The following VSTM2B variants were observed in gnomAD, a reference collection of about 807,000 sequenced individuals.
The protein encoded by VSTM2B is V-set and transmembrane domain-containing protein 2B.
Under a neutral mutation model 24.0 loss-of-function variants are expected in VSTM2B, and 24 were observed. That is an observed-to-expected ratio of 1.00 (90% CI 0.72 to 1.40). The LOEUF is 1.40. Among genes scored for constraint, VSTM2B ranks in the 40% most tolerant of loss-of-function variants. VSTM2B has a pLI of 0.00. For missense variants in VSTM2B, 399 were observed against 416.4 expected, an observed-to-expected ratio of 0.96 and a Z score of 0.36; for synonymous variants, 226 against 194.4, an observed-to-expected ratio of 1.16 and a Z score of -1.35.
chr19:29,541,053 A>T (rs552043766), intron 4 of VSTM2B, among the ~76,000 whole-genome samples: 5 of 152,334 alleles, frequency 3.3e-5, no homozygotes, highest in African/African-American at 1.2e-4. Context: ...GCCTCACAGA[A>T]GCTTACTGTG....
At position 29,530,214 on chromosome 19, in the gene VSTM2B, C is replaced by A; in HGVS notation, c.693C>A (p.Val231=). Residue 231 remains valine, a synonymous_variant, in exon 4 of 5, where the codon GTC becomes GTA. Transcript: ENST00000335523. Reference sequence around the variant, plus strand: ...CGGCCCACACGCCCACCACCACAGTCGCGGCAGCTGCTGCTGCCTCGTCAG... The same window carrying A: ...CGGCCCACACGCCCACCACCACAGTAGCGGCAGCTGCTGCTGCCTCGTCAG... The part of the protein sequence containing the change: ...ASAAHTPTTT[V]AAAAAASSAS... 1 of 1,503,388 alleles carries A rather than the reference C, an allele frequency of 6.7e-7. No homozygotes were observed. Among genetic ancestry groups the A allele is most frequent in the Non-Finnish European group, 8.8e-7 (1 of 1,133,132 alleles). 93.1% of individuals were successfully genotyped at this position (1,503,388 alleles called of 1,614,324 possible).
At chr19:29,534,484 G>T (rs1431775688) in intron 4 of VSTM2B, among the ~76,000 whole-genome samples, 1 of 152,182 alleles carries the variant, frequency 6.6e-6, no homozygotes, top group Non-Finnish European at 1.5e-5. Context: ...GAAGGCCGAG[G>T]CGGGTGGATC....
chr19:29,530,436 C>T (rs1055457192), intron 4 of VSTM2B, 146 bp downstream of exon 4: 9 of 654,762 alleles, frequency 1.4e-5, no homozygotes, highest in Middle Eastern at 4.4e-4. Flanking sequence ...GTCGGGAGCG[C>T]CCCCCCCAGG....
intron 4 of VSTM2B, among the ~76,000 whole-genome samples, chr19:29,550,960 G>T (rs546101936): frequency 2.0e-5 from 3 of 152,340 alleles, no homozygotes; most frequent in African/African-American, 7.2e-5. Flanking sequence ...GAGGGCTGCA[G>T]CTCTCTTCTA....
intron 4 of VSTM2B, among the ~76,000 whole-genome samples, chr19:29,563,540 G>A (rs1970582401): frequency 6.6e-6 from 1 of 152,104 alleles, no homozygotes; most frequent in Admixed American, 6.5e-5. Context: ...ACCACACCCA[G>A]CTCATATCAT....
chr19:29,527,018 C>G (rs538572308), intron 1 of VSTM2B, 193 bp from the exon 2 acceptor site: 4 of 551,036 alleles, frequency 7.3e-6, no homozygotes, highest in South Asian at 5.2e-5. Context: ...AGTAGGCAGC[C>G]GATGGCCGGT....
At chr19:29,529,471 G>T (rs889431274) in intron 3 of VSTM2B, among the ~76,000 whole-genome samples, 27 of 152,220 alleles carry the variant, frequency 1.8e-4, no homozygotes, top group African/African-American at 6.3e-4. Context: ...TCCTGAAGGT[G>T]CAGGAGGGAG....
intron 4 of VSTM2B, among the ~76,000 whole-genome samples, chr19:29,539,595 A>G (rs1468932830): frequency 6.6e-6 from 1 of 151,962 alleles, no homozygotes; most frequent in African/African-American, 2.4e-5. Flanking sequence ...CCTTTTGGGG[A>G]CTCACGCCAC....
intron 2 of VSTM2B, among the ~76,000 whole-genome samples, chr19:29,528,119 G>T (rs1969633261): frequency 6.6e-6 from 1 of 152,136 alleles, no homozygotes; most frequent in Non-Finnish European, 1.5e-5. Context: ...CACGCGGCAG[G>T]GCCTAAGGAT....
chr19:29,562,579 C>T (rs533189233), intron 4 of VSTM2B, among the ~76,000 whole-genome samples: 6 of 152,248 alleles, frequency 3.9e-5, no homozygotes, highest in Admixed American at 1.3e-4. Flanking sequence ...ATGAGCAGGG[C>T]GGGGCTGAAA....
At chr19:29,557,870 A>C (rs1970445483) in intron 4 of VSTM2B, among the ~76,000 whole-genome samples, 1 of 152,188 alleles carries the variant, frequency 6.6e-6, no homozygotes, top group Non-Finnish European at 1.5e-5. Context: ...TAAACTAAAG[A>C]GCTTCTGTGC....
At chr19:29,527,024 C>T (rs1401896078) in intron 1 of VSTM2B, 187 bp from the exon 2 acceptor site, 6 of 558,478 alleles carry the variant, frequency 1.1e-5, no homozygotes, top group South Asian at 5.1e-5. Context: ...CAGCCGATGG[C>T]CGGTCCCTGC....
chr19:29,526,706 G>T lies in VSTM2B; in HGVS notation c.82+41G>T. 2.7e-6 allele frequency: 4 copies of T among 1,487,916 alleles called. No homozygotes were observed. Among genetic ancestry groups the T allele is most frequent in the Non-Finnish European group, 3.6e-6 (4 of 1,111,326 alleles). The allele number at this position is 1,487,916 out of a possible 1,614,324, so 92.2% of individuals were successfully genotyped here. A position where few individuals can be genotyped will look rare whatever the true frequency, so the allele number is the denominator to read the frequency against. On this transcript the variant is annotated intron_variant, in intron 1 of 4. Coordinates refer to ENST00000335523, the MANE Select transcript of VSTM2B (RefSeq NM_001146339.2). This position sits in a 1 kb window ranked among gnomAD's most constrained non-coding sequence, Gnocchi z 4.1. ...TTGCTGCCGCTGTGGACTCGGGGGG[G>T]TCTTTGCTGGGGCCGCCACCGAGAA...
chr19:29,528,103 T>G (rs566506642), intron 2 of VSTM2B, among the ~76,000 whole-genome samples: 1 of 152,266 alleles, frequency 6.6e-6, no homozygotes, highest in East Asian at 1.9e-4. Context: ...GGGGAGGATT[T>G]TGAGCCACGC....
chr19:29,551,781 G>A (rs1970290272), intron 4 of VSTM2B, among the ~76,000 whole-genome samples: 1 of 152,044 alleles, frequency 6.6e-6, no homozygotes, highest in Admixed American at 6.5e-5. Context: ...GTACTCCTTA[G>A]GACAGGAGGG....
chr19:29,560,642 C>T (rs1970502910), intron 4 of VSTM2B, among the ~76,000 whole-genome samples: 1 of 152,238 alleles, frequency 6.6e-6, no homozygotes, highest in African/African-American at 2.4e-5. Context: ...TGCAGCCCCA[C>T]TGCCACTGTA....
At chr19:29,530,374 C>T (rs2145464257) in intron 4 of VSTM2B, 84 bp downstream of exon 4, 1 of 1,253,302 alleles carries the variant, frequency 8.0e-7, no homozygotes, top group East Asian at 3.2e-5. Context: ...GGCTCCGGAC[C>T]CAGGACCCGC....
chr19:29,527,480 C>T lies in VSTM2B; in HGVS notation c.267+85C>T, dbSNP rs1034643498. 56 of 1,262,264 alleles carry T rather than the reference C, an allele frequency of 4.4e-5. No homozygotes were observed. The African/African-American group carries it at 8.0e-4, about 18-fold the overall frequency. The allele number at this position is 1,262,264 out of a possible 1,614,324, so 78.2% of individuals were successfully genotyped here. ...CTAACCCAGGGAGGGAAGCAGCGGG[C>T]TTCACTCGCGCAGGGCGCCGCCCTG... On this transcript the variant is annotated intron_variant, in intron 2 of 4. Transcript: ENST00000335523.
At position 29,527,359 on chromosome 19, in the gene VSTM2B, C is replaced by A; in HGVS notation, c.231C>A (p.His77Gln). 1.3e-6 allele frequency: 2 copies of A among 1,544,602 alleles called. No individual in the cohort carries two copies. The highest frequency in any genetic ancestry group is 1.7e-6 in the Non-Finnish European group (2 of 1,145,140). The change falls in exon 2 of 5, where the codon CAC becomes CAA. Residue 77 changes from histidine to glutamine, a missense_variant. Coordinates refer to ENST00000335523, the MANE Select transcript of VSTM2B (RefSeq NM_001146339.2). ...YLKEPPRELL[H>Q]ELALSVPGAR... ...AGGAGCCACCCCGGGAGCTGCTGCA[C>A]GAGCTGGCGCTCAGCGTGCCGGGCG...
Sources: allele counts gnomAD v4.1 joint callset (sites outside exome capture counted in the v4.1 genomes callset), GRCh38; gene constraint gnomAD v4.1.1; non-coding constraint Gnocchi (gnomAD v3.1); transcripts MANE v1.5; gene names NCBI Gene and HGNC (gene_info 2026-07-23, HGNC 2026-07-21).